Variants in ANKRD30A observed in about 807,000 individuals in gnomAD.
The protein encoded by ANKRD30A is ankyrin repeat domain-containing protein 30A.
ANKRD30A carries 170 observed loss-of-function variants against 166.3 expected under a neutral mutation model. The ratio of observed to expected loss-of-function variants is 1.02; its 90% CI spans 0.90 to 1.16. The LOEUF (loss-of-function observed/expected upper bound fraction) is 1.16, where lower values mean the gene tolerates loss of function less well. Ranked by LOEUF, ANKRD30A falls within the 50% of genes most tolerant of loss-of-function variation. The probability of loss-of-function intolerance (pLI) is 0.00; values close to 1 mark genes in which losing one functional copy is unlikely to be tolerated. For synonymous variants in ANKRD30A, 564 were observed against 508.9 expected (o/e 1.11, Z -1.46); for missense variants, 1,630 against 1,518.0 (o/e 1.07, Z -1.23).
intron 6 of ANKRD30A, among the ~76,000 whole-genome samples, chr10:37,140,792 C>T (rs1837045695): frequency 6.6e-6 from 1 of 151,900 alleles, no homozygotes; most frequent in African/African-American, 2.4e-5. Flanking sequence ...ATGCATTGTA[C>T]AATATGAATT....
chr10:37,228,763 G>C (rs1360889879), intron 34 of ANKRD30A, among the ~76,000 whole-genome samples: 1 of 151,844 alleles, frequency 6.6e-6, no homozygotes. Context: ...CATTAGCATT[G>C]TTTGTCATGA....
the ANKRD30A span, among the ~76,000 whole-genome samples, chr10:37,252,986 A>C: frequency 7.2e-5 from 11 of 152,332 alleles, no homozygotes; most frequent in South Asian, 8.3e-4. Context: ...CATTGGAAAT[A>C]CTGTTATTAG....
At chr10:37,159,697 G>T (rs1838694608) in intron 15 of ANKRD30A, among the ~76,000 whole-genome samples, 2 of 151,796 alleles carry the variant, frequency 1.3e-5, no homozygotes, top group South Asian at 4.2e-4. Context: ...TTTTTCTTCA[G>T]TTTTTTTGTT....
rs542344772 is a variant in ANKRD30A, at chr10:37,200,774, A to G, written c.2779-461A>G. ...GTACATACATTCTATGACAGACTCT[A>G]AAAGTTCTCTTCATGACAGGCATCA... On this transcript the variant is annotated intron_variant, in intron 30 of 35. Transcript: ENST00000361713. Among the ~76,000 whole-genome samples, 4 of 152,214 alleles carry G rather than the reference A, an allele frequency of 2.6e-5. No homozygotes were observed. The East Asian group carries it at 5.8e-4, about 22-fold the overall frequency.
In ANKRD30A at chr10:37,162,830, G is replaced by A; in HGVS notation, c.1984G>A (p.Glu662Lys). The change falls in exon 17 of 36, where the codon GAA becomes AAA. Residue 662 changes from glutamate (E) to lysine (K), a missense_variant. Transcript: ENST00000361713. ...VPNKALELKN[E>K]QTLRADEILP... ...AAATAAAGCCTTGGAATTGAAAAATGAACAAACATTGAGAGCAGGTAAATT... is the reference window on the plus strand; with the variant it reads ...AAATAAAGCCTTGGAATTGAAAAATAAACAAACATTGAGAGCAGGTAAATT... 1 of 1,613,512 alleles carries A rather than the reference G, an allele frequency of 6.2e-7. No homozygotes were observed. Among genetic ancestry groups the A allele is most frequent in the Non-Finnish European group, 8.5e-7 (1 of 1,179,734 alleles).
At chr10:37,236,927 T>C (rs571331250), downstream of ANKRD30A, among the ~76,000 whole-genome samples, 3 of 152,318 alleles carry the variant, frequency 2.0e-5, 1 homozygote, top group African/African-American at 7.2e-5. Flanking sequence ...TTTCTGGAGT[T>C]TAACAAACTT....
At chr10:37,154,387 G>T (rs1328045558) in intron 13 of ANKRD30A, among the ~76,000 whole-genome samples, 1 of 152,190 alleles carries the variant, frequency 6.6e-6, no homozygotes, top group Non-Finnish European at 1.5e-5. Flanking sequence ...TGATGCTGAT[G>T]CTGGTGGTCC....
At chr10:37,153,042 C>T (rs1256900089) in intron 12 of ANKRD30A, among the ~76,000 whole-genome samples, 1 of 151,904 alleles carries the variant, frequency 6.6e-6, no homozygotes, top group Non-Finnish European at 1.5e-5. Context: ...TATTTTAAGC[C>T]CCTGTTTACC....
rs144734086 is a variant in ANKRD30A, at chr10:37,159,994, C to T, written c.1900+1408C>T. ...AATTACAGGCGTGAGGCACCGTGCCCGGCCGATGTCTGAAATTTTCAATAA... is the reference window on the plus strand; with the variant it reads ...AATTACAGGCGTGAGGCACCGTGCCTGGCCGATGTCTGAAATTTTCAATAA... On this transcript the variant is annotated intron_variant, in intron 15 of 35. Transcript: ENST00000361713. Among the ~76,000 whole-genome samples, 1,438 of 152,244 alleles carry T rather than the reference C, an allele frequency of 9.4e-3. 32 individuals are homozygous for T. Among genetic ancestry groups the T allele is most frequent in the African/African-American group, 0.033 (1,357 of 41,540 alleles).
At position 37,201,275 on chromosome 10, in the gene ANKRD30A, C is replaced by T; in HGVS notation, c.2819C>T (p.Pro940Leu). Reference sequence around the variant, plus strand: ...GTTTCACAGAAGGATGTGTGTGTACCCAAGGCTACACATCAAAAAGAAATG... The same window carrying T: ...GTTTCACAGAAGGATGTGTGTGTACTCAAGGCTACACATCAAAAAGAAATG... ...ETVSQKDVCV[P>L]KATHQKEMDK... The change falls in exon 31 of 36, where the codon CCC (proline) becomes CTC (leucine). Residue 940 changes from proline (P) to leucine (L), a missense_variant. By Grantham distance (98) the Pro-to-Leu change is moderately conservative. Around this residue, in one of 4 missense-constraint regions of ANKRD30A, gnomAD observed 712 missense variants for 629.3 expected, o/e 1.13. Transcript: ENST00000361713. The T allele has an allele frequency of 1.3e-6, 2 of 1,592,960 alleles. No homozygotes were observed. The highest frequency in any genetic ancestry group is 1.7e-6 in the Non-Finnish European group (2 of 1,171,152).
At chr10:37,142,461 A>C (rs1285795210) in intron 7 of ANKRD30A, among the ~76,000 whole-genome samples, 171 bp downstream of exon 7, 1 of 152,156 alleles carries the variant, frequency 6.6e-6, no homozygotes, top group Admixed American at 6.5e-5. Context: ...AGGTCCTGGA[A>C]AAATTCTCAC....
the ANKRD30A span, among the ~76,000 whole-genome samples, chr10:37,245,216 T>A: frequency 5.3e-5 from 8 of 152,112 alleles, no homozygotes; most frequent in Non-Finnish European, 1.0e-4. Context: ...AATTTTATTT[T>A]TATATATATT....
intron 1 of ANKRD30A, 38 bp from the exon 2 acceptor site, chr10:37,129,855 G>T (rs1186099549): frequency 7.6e-7 from 1 of 1,320,432 alleles, no homozygotes; most frequent in Admixed American, 2.4e-5. Flanking sequence ...TTGGGACAGT[G>T]GACTAAACTT....
intron 25 of ANKRD30A, among the ~76,000 whole-genome samples, chr10:37,190,110 G>T (rs1840409641): frequency 6.6e-6 from 1 of 151,876 alleles, no homozygotes; most frequent in Admixed American, 6.6e-5. Flanking sequence ...CAATAGGTGA[G>T]AATAAGCATA....
chr10:37,219,960 G>A, intron 34 of ANKRD30A, 63 bp downstream of exon 34: 1 of 1,211,132 alleles, frequency 8.3e-7, no homozygotes, highest in Non-Finnish European at 1.1e-6. Context: ...AGTCATATTT[G>A]GCCTTGGCTA....
Position 37,226,358 on chromosome 10 carries a change from G to A in ANKRD30A, c.4186-5103G>A, listed in dbSNP as rs539709120. ...CCACCTATGAGTGAGAACATGCGGCGTTTGGTTTTTTGTCCTTGCAATAGT... is the reference window on the plus strand; with the variant it reads ...CCACCTATGAGTGAGAACATGCGGCATTTGGTTTTTTGTCCTTGCAATAGT... On this transcript the variant is annotated intron_variant, in intron 34 of 35. Coordinates refer to ENST00000361713, the MANE Select transcript of ANKRD30A (RefSeq NM_052997.3). Among the ~76,000 whole-genome samples the A allele has an allele frequency of 2.0e-4, 30 of 148,868 alleles. No homozygotes were observed. In the South Asian group the frequency reaches 5.3e-3, roughly 26 times the overall value.
chr10:37,232,652 TTTTATATATATATATATA>T (rs1170533677), downstream of ANKRD30A: 8 of 22,190 alleles, frequency 3.6e-4, no homozygotes, highest in South Asian at 0.011. Flanking sequence ...GAAGCATTGG[TTTTATATATATATATATA>T]TATATATATA....
intron 17 of ANKRD30A, among the ~76,000 whole-genome samples, chr10:37,164,596 A>C (rs573167563): frequency 9.9e-5 from 15 of 152,246 alleles, no homozygotes; most frequent in Admixed American, 2.6e-4. Flanking sequence ...GGAAATGTAA[A>C]AGGGTTGGAA....
chr10:37,239,051 C>G, the ANKRD30A span, among the ~76,000 whole-genome samples: 1 of 151,998 alleles, frequency 6.6e-6, no homozygotes, highest in Non-Finnish European at 1.5e-5. Flanking sequence ...AATTTCAGAC[C>G]TTGTTGGCAT....
Sources: gnomAD v4.1 joint callset for allele counts (sites outside exome capture counted in the v4.1 genomes callset) on GRCh38, gnomAD v4.1.1 for gene constraint, gnomAD v4.1.1 regional missense constraint, MANE v1.5 for transcripts, NCBI Gene and HGNC (gene_info 2026-07-23, HGNC 2026-07-21) for gene names.